The following WWC1 variants were observed in gnomAD, a reference collection of about 807,000 sequenced individuals.
WWC1 encodes protein KIBRA.
Under a neutral mutation model 138.4 loss-of-function variants are expected in WWC1, and 55 were observed. The ratio of observed to expected loss-of-function variants is 0.40; its 90% CI spans 0.32 to 0.50. WWC1 has a LOEUF of 0.50. WWC1 is among the 20% of genes least tolerant of loss of function. The pLI, the probability that WWC1 is intolerant of heterozygous loss-of-function variation, is 0.72. For missense variants in WWC1, 1,226 were observed against 1,420.4 expected, an observed-to-expected ratio of 0.86 and a Z score of 2.20; for synonymous variants, 524 against 564.9, an observed-to-expected ratio of 0.93 and a Z score of 1.03.
chr5:168,382,035 G>T (rs1777676133), intron 2 of WWC1, among the ~76,000 whole-genome samples: 1 of 151,988 alleles, frequency 6.6e-6, no homozygotes, highest in Non-Finnish European at 1.5e-5. Flanking sequence ...CAAATTCATA[G>T]ACATATGTTT....
chr5:168,401,008 G>A (rs545462818), intron 5 of WWC1, among the ~76,000 whole-genome samples: 161 of 151,666 alleles, frequency 1.1e-3, no homozygotes, highest in African/African-American at 3.8e-3. Context: ...AAAAAGAAAG[G>A]AAGGAAGGAG....
intron 1 of WWC1, among the ~76,000 whole-genome samples, chr5:168,295,989 C>T (rs1398247902): frequency 1.3e-5 from 2 of 152,250 alleles, no homozygotes; most frequent in Non-Finnish European, 2.9e-5. Context: ...GTGACAGGCC[C>T]TTCGGGAATC....
intron 5 of WWC1, among the ~76,000 whole-genome samples, chr5:168,403,079 T>A (rs971524270): frequency 2.1e-5 from 2 of 95,782 alleles, no homozygotes; most frequent in Non-Finnish European, 4.3e-5. Flanking sequence ...TCTTTCTTTC[T>A]TTTCTTTCTT....
chr5:168,432,623 A>G (rs1361672913), intron 15 of WWC1, among the ~76,000 whole-genome samples: 1 of 152,134 alleles, frequency 6.6e-6, no homozygotes, highest in Non-Finnish European at 1.5e-5. Context: ...TTATACCTAG[A>G]AGGTCGCTCC....
At chr5:168,334,863 GA>G (rs1188970664) in intron 1 of WWC1, among the ~76,000 whole-genome samples, 1 of 152,258 alleles carries the variant, frequency 6.6e-6, no homozygotes, top group African/African-American at 2.4e-5. Flanking sequence ...GAGCCCAGCT[GA>G]AGAAGCTGAT....
At position 168,310,575 on chromosome 5, in the gene WWC1, C is replaced by T. The variant is rs145451116; in HGVS notation, c.119+18304C>T. On this transcript the variant is annotated intron_variant, in intron 1 of 22. Coordinates refer to ENST00000265293, the MANE Select transcript of WWC1 (RefSeq NM_015238.3). ...AGGCCAGGCACAGAGTGGCTCATGC[C>T]TGTAAATTCAGCACTTTGGGAGGCC... Among the ~76,000 whole-genome samples the T allele has an allele frequency of 2.0e-3, 300 of 152,086 alleles. 2 individuals carry two copies. The highest frequency in any genetic ancestry group is 6.9e-3 in the African/African-American group (287 of 41,504).
intron 1 of WWC1, among the ~76,000 whole-genome samples, chr5:168,320,773 C>A (rs1339145379): frequency 2.0e-5 from 3 of 151,972 alleles, no homozygotes; most frequent in Non-Finnish European, 4.4e-5. Context: ...GGTTTTCACA[C>A]CCCAAAGGTG....
intron 15 of WWC1, among the ~76,000 whole-genome samples, chr5:168,437,105 G>A (rs1231662720): frequency 1.3e-5 from 2 of 151,938 alleles, no homozygotes; most frequent in East Asian, 3.9e-4. Context: ...TCCCCTCCGG[G>A]CCTTTGCACT....
chr5:168,451,146 G>C (rs1755778632), intron 17 of WWC1, among the ~76,000 whole-genome samples: 1 of 152,046 alleles, frequency 6.6e-6, no homozygotes, highest in South Asian at 2.1e-4. Context: ...AGCCTCCCGA[G>C]TAGCTAGAAT....
intron 1 of WWC1, among the ~76,000 whole-genome samples, chr5:168,317,957 C>T (rs1771745935): frequency 6.6e-6 from 1 of 152,188 alleles, no homozygotes. Context: ...GAATGCAGTG[C>T]TGGAGAGACC....
At chr5:168,308,408 T>C (rs139951849) in intron 1 of WWC1, among the ~76,000 whole-genome samples, 19 of 152,372 alleles carry the variant, frequency 1.2e-4, no homozygotes, top group African/African-American at 4.1e-4. Context: ...TAGAAAGTTC[T>C]GTAGTCAGAA....
intron 1 of WWC1, among the ~76,000 whole-genome samples, chr5:168,305,000 T>C (rs926447352): frequency 6.6e-6 from 1 of 152,086 alleles, no homozygotes; most frequent in Non-Finnish European, 1.5e-5. Flanking sequence ...TAATTTTGTA[T>C]TTTTAGTAGA....
At chr5:168,335,686 C>T (rs902742643) in intron 1 of WWC1, among the ~76,000 whole-genome samples, 2 of 152,222 alleles carry the variant, frequency 1.3e-5, no homozygotes, top group African/African-American at 4.8e-5. Flanking sequence ...GCTCCCAAGC[C>T]TCTGTTCTGA....
chr5:168,327,578 C>A (rs926880103), intron 1 of WWC1, among the ~76,000 whole-genome samples: 3 of 152,212 alleles, frequency 2.0e-5, no homozygotes, highest in African/African-American at 7.2e-5. Context: ...CCGGGGTGTT[C>A]CTCTGAGTGA....
chr5:168,385,092 C>A lies in WWC1; in HGVS notation c.230-119C>A, dbSNP rs113046878. The A allele has an allele frequency of 2.4e-4, 237 of 975,048 alleles. No homozygotes were observed. In the African/African-American group the frequency reaches 3.1e-3, roughly 13 times the overall value. The allele number at this position is 975,048 out of a possible 1,614,324, so 60.4% of individuals were successfully genotyped here. A position where few individuals can be genotyped will look rare whatever the true frequency, so the allele number is the denominator to read the frequency against. On this transcript the variant is annotated intron_variant, in intron 2 of 22. Coordinates refer to ENST00000265293, the MANE Select transcript of WWC1 (RefSeq NM_015238.3). Reference sequence around the variant, plus strand: ...TTAGTAAATGAGTTTGCCCCACTTACATTTATTGTGATTTGTCTATGCATT... The same window carrying A: ...TTAGTAAATGAGTTTGCCCCACTTAAATTTATTGTGATTTGTCTATGCATT...
At chr5:168,402,249 C>T (rs1041649804) in intron 5 of WWC1, among the ~76,000 whole-genome samples, 1 of 152,212 alleles carries the variant, frequency 6.6e-6, no homozygotes, top group Non-Finnish European at 1.5e-5. Context: ...CTGGGCTCTG[C>T]GTCCAGTGTG....
chr5:168,370,244 A>G (rs556705895), intron 1 of WWC1, among the ~76,000 whole-genome samples: 1 of 152,256 alleles, frequency 6.6e-6, no homozygotes, highest in East Asian at 1.9e-4. Flanking sequence ...TGGACACAGG[A>G]TTCTGTAGCT....
chr5:168,403,087 C>CTTTCTTTCTTTCTTTCTTTTTTTTT (rs1779504732), intron 5 of WWC1, among the ~76,000 whole-genome samples: 1 of 92,168 alleles, frequency 1.1e-5, no homozygotes, highest in Admixed American at 1.1e-4. Context: ...TCTTTTCTTT[C>CTTTCTTTCTTTCTTTCTTTTTTTTT]TTTTCTTTCT....
chr5:168,420,283 G>T (rs1012774954), intron 9 of WWC1, among the ~76,000 whole-genome samples: 24 of 152,106 alleles, frequency 1.6e-4, no homozygotes, highest in African/African-American at 5.6e-4. Flanking sequence ...TTTCTTCTGA[G>T]GTCTCTTCCC....
Sources: gnomAD v4.1 joint callset for allele counts (sites outside exome capture counted in the v4.1 genomes callset) on GRCh38, gnomAD v4.1.1 for gene constraint, MANE v1.5 for transcripts, NCBI Gene and HGNC (gene_info 2026-07-23, HGNC 2026-07-21) for gene names.